Variants in CHIC2 observed in about 807,000 individuals in gnomAD.
CHIC2 encodes the protein cysteine-rich hydrophobic domain-containing protein 2.
CHIC2 carries 14 observed loss-of-function variants against 25.9 expected under a neutral mutation model. That is an observed-to-expected ratio of 0.54 (90% CI 0.36 to 0.85). The LOEUF (loss-of-function observed/expected upper bound fraction) is 0.85, where lower values mean the gene tolerates loss of function less well. Among genes scored for constraint, CHIC2 ranks in the 40% least tolerant of loss-of-function variants. CHIC2 has a pLI of 0.01. For synonymous variants in CHIC2, 70 were observed against 72.0 expected (o/e 0.97, Z 0.14); for missense variants, 146 against 202.0 (o/e 0.72, Z 1.68).
chr4:54,027,957 G>T (rs1716113146), intron 3 of CHIC2, among the ~76,000 whole-genome samples: 1 of 152,104 alleles, frequency 6.6e-6, no homozygotes, highest in Admixed American at 6.5e-5. Context: ...TCAACTCTTG[G>T]TTGTCCAACT....
chr4:54,079,888 C>T, the CHIC2 span, among the ~76,000 whole-genome samples: 1 of 151,924 alleles, frequency 6.6e-6, no homozygotes, highest in Admixed American at 6.6e-5. Flanking sequence ...CCCTTATACA[C>T]TGTTGGAGGA....
At chr4:54,073,742 T>C in the CHIC2 span, among the ~76,000 whole-genome samples, 1 of 152,232 alleles carries the variant, frequency 6.6e-6, no homozygotes, top group Non-Finnish European at 1.5e-5. Flanking sequence ...TATGTAGCAA[T>C]AGATGACTAA....
chr4:54,045,519 C>T (rs1716755420), intron 3 of CHIC2, among the ~76,000 whole-genome samples: 1 of 152,088 alleles, frequency 6.6e-6, no homozygotes, highest in Admixed American at 6.5e-5. Context: ...AAACGTAATC[C>T]AGCATATAAA....
At chr4:54,014,222 T>G in intron 3 of CHIC2, 103 bp from the exon 4 acceptor site, 1 of 862,442 alleles carries the variant, frequency 1.2e-6, no homozygotes, top group Admixed American at 2.0e-5. Flanking sequence ...AGACAGTGAC[T>G]GAGTATAGTG....
Position 54,064,471 on chromosome 4 carries a change from G to C in CHIC2, c.-171C>G. On this transcript the variant is annotated 5_prime_UTR_variant, in exon 1 of 6. Transcript: ENST00000263921. The surrounding 1 kb of genome is among the most constrained non-coding windows in gnomAD (Gnocchi z 4.2). ...CCGGCTACAGAGGGGATGGGGTCTG[G>C]ACCGTCGCCGCCACCGCCGCCGCCA... 1 of 1,456,204 alleles carries C rather than the reference G, an allele frequency of 6.9e-7. No individual in the cohort carries two copies. Among genetic ancestry groups the C allele is most frequent in the Non-Finnish European group, 9.0e-7 (1 of 1,112,540 alleles). 90.2% of individuals were successfully genotyped at this position (1,456,204 alleles called of 1,614,324 possible). A position where few individuals can be genotyped will look rare whatever the true frequency, so the allele number is the denominator to read the frequency against.
upstream of CHIC2, among the ~76,000 whole-genome samples, chr4:54,066,625 CTTTTTTTT>C (rs533491447): frequency 7.5e-6 from 1 of 133,734 alleles, no homozygotes; most frequent in Non-Finnish European, 1.6e-5. Context: ...TCCTGAATGT[CTTTTTTTT>C]TTTTTTTTTT....
intron 3 of CHIC2, among the ~76,000 whole-genome samples, chr4:54,037,875 G>A (rs1341365195): frequency 6.6e-6 from 1 of 152,034 alleles, no homozygotes; most frequent in East Asian, 1.9e-4. Flanking sequence ...ATAAAAATGT[G>A]TAGGATATAG....
intron 1 of CHIC2, among the ~76,000 whole-genome samples, chr4:54,053,671 T>C (rs1717077731): frequency 6.6e-6 from 1 of 151,858 alleles, no homozygotes; most frequent in Non-Finnish European, 1.5e-5. Context: ...AATAATCAAG[T>C]ATTCTGCAGT....
chr4:54,060,605 T>C (rs540418857), intron 1 of CHIC2: 13 of 152,272 alleles, frequency 8.5e-5, no homozygotes, highest in African/African-American at 2.9e-4. Context: ...AAAACTACTT[T>C]TAAATTCTAA....
In CHIC2 at chr4:54,013,855, C is replaced by A. The variant is rs1268135876; in HGVS notation, c.429G>T (p.Thr143=). The A allele has an allele frequency of 1.2e-6, 2 of 1,613,242 alleles. No individual in the cohort carries two copies. The highest frequency in any genetic ancestry group is 1.1e-5 in the South Asian group (1 of 91,024). The change falls in exon 5 of 6, where the codon ACG becomes ACT. Residue 143 remains threonine (T), a synonymous_variant. Transcript: ENST00000263921. ...AACTTACATATTCCATCATGTTATTCGTTTCACATTTCCTTTTGCTCAGTC... is the reference window on the plus strand; with the variant it reads ...AACTTACATATTCCATCATGTTATTAGTTTCACATTTCCTTTTGCTCAGTC... ...HWRLSKRKCE[T]NNMMEYVILI... is the part of the protein sequence containing the mutation.
At chr4:54,083,498 A>T in the CHIC2 span, among the ~76,000 whole-genome samples, 1 of 152,124 alleles carries the variant, frequency 6.6e-6, no homozygotes, top group South Asian at 2.1e-4. Flanking sequence ...CTTATCTTTC[A>T]TCTGTAACCA....
Position 54,009,848 on chromosome 4 carries a change from C to A in CHIC2, c.*247G>T. On this transcript the variant is annotated 3_prime_UTR_variant, in exon 6 of 6. Coordinates refer to ENST00000263921, the MANE Select transcript of CHIC2 (RefSeq NM_012110.4). The stretch of plus-strand genomic sequence containing the variant: ...ATACAAAAAAGTAATCCTTGAAAAT[C>A]AGAATACATAACAGAAAAGAGCACA... 3.0e-6 allele frequency: 1 copy of A among 328,610 alleles called. No individual in the cohort carries two copies. Among genetic ancestry groups the A allele is most frequent in the Non-Finnish European group, 5.6e-6 (1 of 177,168 alleles). The allele number at this position is 328,610 out of a possible 1,614,324, so 20.4% of individuals were successfully genotyped here. A position where few individuals can be genotyped will look rare whatever the true frequency, so the allele number is the denominator to read the frequency against.
At chr4:54,016,293 A>G (rs1464236411) in intron 3 of CHIC2, among the ~76,000 whole-genome samples, 2 of 144,452 alleles carry the variant, frequency 1.4e-5, no homozygotes, top group Non-Finnish European at 2.9e-5. Context: ...CCATGCTATA[A>G]TAAGAATAGA....
At chr4:54,031,070 T>C (rs899794184) in intron 3 of CHIC2, among the ~76,000 whole-genome samples, 1 of 151,648 alleles carries the variant, frequency 6.6e-6, no homozygotes, top group African/African-American at 2.4e-5. Flanking sequence ...GAAATAGAAA[T>C]AGTTTATAGA....
chr4:54,060,717 T>C (rs532306362), intron 1 of CHIC2: 1 of 152,270 alleles, frequency 6.6e-6, no homozygotes, highest in South Asian at 2.1e-4. Context: ...CATAAGGAAC[T>C]CCATAATTTT....
intron 3 of CHIC2, among the ~76,000 whole-genome samples, chr4:54,033,082 T>TA (rs1012978227): frequency 2.0e-5 from 3 of 152,126 alleles, no homozygotes; most frequent in African/African-American, 7.2e-5. Flanking sequence ...ATAAGCTGAG[T>TA]CCTCCCCAGA....
the CHIC2 span, chr4:54,087,424 G>T: frequency 5.1e-6 from 3 of 590,282 alleles, no homozygotes; most frequent in African/African-American, 1.9e-5. Flanking sequence ...GTAAAACATC[G>T]CAGGGAAACG....
the CHIC2 span, among the ~76,000 whole-genome samples, chr4:54,081,548 G>A: frequency 2.6e-5 from 4 of 152,038 alleles, no homozygotes; most frequent in Non-Finnish European, 5.9e-5. Context: ...TACTGCTATG[G>A]AAAGATCAGG....
the CHIC2 span, among the ~76,000 whole-genome samples, chr4:54,073,882 C>A: frequency 9.9e-5 from 15 of 152,218 alleles, no homozygotes; most frequent in Admixed American, 9.8e-4. Context: ...TTAGACCGGG[C>A]GCAGTGGCTC....
Sources: gnomAD v4.1 joint callset for allele counts (sites outside exome capture counted in the v4.1 genomes callset) on GRCh38, gnomAD v4.1.1 for gene constraint, Gnocchi (gnomAD v3.1) non-coding constraint, MANE v1.5 for transcripts, NCBI Gene and HGNC (gene_info 2026-07-23, HGNC 2026-07-21) for gene names.